KIF25: variants seen among roughly 807,000 people sequenced by gnomAD.
KIF25 encodes the protein kinesin-like protein KIF25.
In KIF25, 19 loss-of-function variants were observed where a neutral mutation model predicts 32.9. The ratio of observed to expected loss-of-function variants is 0.58; its 90% CI spans 0.40 to 0.85. The LOEUF is 0.85. KIF25 is among the 40% of genes least tolerant of loss of function. The pLI is 0.00. For missense variants in KIF25, 485 were observed against 507.0 expected (o/e 0.96, Z 0.42); for synonymous variants, 225 against 213.7 (o/e 1.05, Z -0.46).
At chr6:168,010,961 T>G (rs1798639911) in intron 4 of KIF25, among the ~76,000 whole-genome samples, 1 of 148,854 alleles carries the variant, frequency 6.7e-6, no homozygotes, top group Admixed American at 6.6e-5. Context: ...GCTTGGAATA[T>G]TTTTTTCCAT....
chr6:168,001,436 A>G (rs1583121936), intron 2 of KIF25, among the ~76,000 whole-genome samples: 1 of 152,342 alleles, frequency 6.6e-6, no homozygotes, highest in Middle Eastern at 3.4e-3. Context: ...CTTTTGTTAC[A>G]CACCAGCCTC....
intron 5 of KIF25, among the ~76,000 whole-genome samples, chr6:168,019,555 G>A (rs1330743325): frequency 1.3e-5 from 2 of 152,198 alleles, no homozygotes; most frequent in East Asian, 1.9e-4. Flanking sequence ...AATGACCAAC[G>A]TGAAACCAGG....
At chr6:168,030,660 C>T (rs1798928241) in intron 6 of KIF25, 113 bp from the exon 7 acceptor site, 16 of 683,946 alleles carry the variant, frequency 2.3e-5, no homozygotes, top group South Asian at 3.8e-5. Context: ...ATCCTGATGG[C>T]GTTGGGGGGA....
At chr6:168,038,512 G>A in intron 8 of KIF25, 41 bp from the exon 9 acceptor site, 1 of 1,605,538 alleles carries the variant, frequency 6.2e-7, no homozygotes, top group Non-Finnish European at 8.5e-7. Flanking sequence ...AAATCACTCT[G>A]TGAGACTTTC....
At chr6:168,040,623 T>C (rs1457961793) in intron 10 of KIF25, among the ~76,000 whole-genome samples, 1 of 150,940 alleles carries the variant, frequency 6.6e-6, no homozygotes. Flanking sequence ...ATCCAAGGCC[T>C]CTCATGGGAC....
At chr6:168,013,496 G>T (rs1326801168) in intron 4 of KIF25, among the ~76,000 whole-genome samples, 1 of 152,038 alleles carries the variant, frequency 6.6e-6, no homozygotes, top group Non-Finnish European at 1.5e-5. Context: ...AGGTGGCTCT[G>T]GTCTCAAGAT....
intron 4 of KIF25, among the ~76,000 whole-genome samples, chr6:168,008,587 A>C (rs965533096): frequency 6.6e-6 from 1 of 152,034 alleles, no homozygotes. Flanking sequence ...CAAATTTTAC[A>C]ATTTTTTCAA....
chr6:168,014,242 C>G (rs897495066), intron 4 of KIF25, among the ~76,000 whole-genome samples: 2 of 152,120 alleles, frequency 1.3e-5, no homozygotes, highest in Non-Finnish European at 2.9e-5. Context: ...TGAGGAAATG[C>G]ATCCTGAGGC....
rs1799201173 is a variant in KIF25, at chr6:168,045,043, T to G, written c.*47T>G. On this transcript the variant is annotated 3_prime_UTR_variant, in exon 13 of 13. Coordinates refer to ENST00000643607, the MANE Select transcript of KIF25 (RefSeq NM_030615.4). Reference sequence around the variant, plus strand: ...CTAAAACTGTGTTTCTTGTCCTTGCTTTATAATGCATATGTGCTTAGAAAT... The same window carrying G: ...CTAAAACTGTGTTTCTTGTCCTTGCGTTATAATGCATATGTGCTTAGAAAT... 1 of 1,528,600 alleles carries G rather than the reference T, an allele frequency of 6.5e-7. No homozygotes were observed. The highest frequency in any genetic ancestry group is 8.9e-7 in the Non-Finnish European group (1 of 1,127,032). The allele number at this position is 1,528,600 out of a possible 1,614,324, so 94.7% of individuals were successfully genotyped here. A position where few individuals can be genotyped will look rare whatever the true frequency, so the allele number is the denominator to read the frequency against.
intron 5 of KIF25, among the ~76,000 whole-genome samples, chr6:168,022,772 T>G (rs1274490107): frequency 3.3e-4 from 49 of 150,712 alleles, no homozygotes; most frequent in African/African-American, 8.7e-4. Flanking sequence ...GTTGTTGTTT[T>G]TTTTTTTTTT....
At chr6:168,035,353 C>T (rs145043228) in intron 8 of KIF25, among the ~76,000 whole-genome samples, 1 of 118,452 alleles carries the variant, frequency 8.4e-6, no homozygotes, top group African/African-American at 3.1e-5. Flanking sequence ...GTACATTCCA[C>T]GGCTGCGTTT....
intron 2 of KIF25, among the ~76,000 whole-genome samples, chr6:168,000,251 C>T (rs559628305): frequency 7.6e-6 from 1 of 131,726 alleles, no homozygotes; most frequent in Non-Finnish European, 1.6e-5. Flanking sequence ...ATCCCGACCA[C>T]GCCTGACCTT....
intron 5 of KIF25, among the ~76,000 whole-genome samples, chr6:168,028,874 C>T (rs1386880184): frequency 3.9e-5 from 6 of 152,186 alleles, no homozygotes; most frequent in Admixed American, 1.3e-4. Context: ...CATCTCCCAG[C>T]ATGTCTTCTA....
rs1799196004 is a variant in KIF25 at position 168,044,889 on chromosome 6, A to G, written c.1048A>G (p.Thr350Ala). ...ISPSQRHLAQ[T>A]LQGLGFGIRA... ...TCCCAGCCAGAGGCACCTGGCACAG[A>G]CGTTGCAGGGCCTGGGTTTCGGGAT... Residue 350 changes from threonine to alanine, a missense_variant, in exon 13 of 13, where the codon ACG becomes GCG. By Grantham distance (58) the Thr-to-Ala change is moderately conservative. Coordinates refer to ENST00000643607, the MANE Select transcript of KIF25 (RefSeq NM_030615.4). The G allele has an allele frequency of 6.2e-7, 1 of 1,612,804 alleles. No individual in the cohort carries two copies. The highest frequency in any genetic ancestry group is 1.1e-5 in the South Asian group (1 of 91,054).
At position 168,040,179 on chromosome 6, in the gene KIF25, G is replaced by C. The variant is rs147571413; in HGVS notation, c.609G>C (p.Thr203=). ...CCTCCAGGTCTCACCTGATAATTACGGTGACTCTAACCACAGCCTCCTGCT... is the reference window on the plus strand; with the variant it reads ...CCTCCAGGTCTCACCTGATAATTACCGTGACTCTAACCACAGCCTCCTGCT... ...ADSSRSHLII[T]VTLTTASCSD... is the part of the protein sequence containing the mutation. Residue 203 remains threonine (T), a synonymous_variant, in exon 10 of 13, where the codon ACG becomes ACC. Coordinates refer to ENST00000643607, the MANE Select transcript of KIF25 (RefSeq NM_030615.4). The C allele has an allele frequency of 6.0e-5, 97 of 1,613,682 alleles. No individual in the cohort carries two copies. The highest frequency in any genetic ancestry group is 7.7e-5 in the Non-Finnish European group (91 of 1,179,938).
intron 7 of KIF25, among the ~76,000 whole-genome samples, chr6:168,032,303 G>C (rs754942869): frequency 2.6e-5 from 4 of 152,150 alleles, no homozygotes; most frequent in Non-Finnish European, 5.9e-5. Flanking sequence ...TTCCTTCTCC[G>C]GGAAGTTTCC....
At chr6:168,033,285 A>G (rs1160145143) in intron 7 of KIF25, among the ~76,000 whole-genome samples, 1 of 152,216 alleles carries the variant, frequency 6.6e-6, no homozygotes, top group Non-Finnish European at 1.5e-5. Flanking sequence ...GGATCCCTTG[A>G]GTCCAGGAGT....
intron 4 of KIF25, among the ~76,000 whole-genome samples, chr6:168,005,457 G>A (rs1006346428): frequency 1.3e-5 from 2 of 152,218 alleles, no homozygotes; most frequent in African/African-American, 4.8e-5. Context: ...GAGGGAAGGC[G>A]AGGGCTGTGC....
chr6:168,025,601 C>T (rs543603245), intron 5 of KIF25, among the ~76,000 whole-genome samples: 180 of 152,182 alleles, frequency 1.2e-3, no homozygotes, highest in African/African-American at 4.1e-3. Context: ...TGTTACACAC[C>T]CTAGACTTGA....
Sources: allele counts gnomAD v4.1 joint callset (sites outside exome capture counted in the v4.1 genomes callset), GRCh38; gene constraint gnomAD v4.1.1; transcripts MANE v1.5; gene names NCBI Gene and HGNC (gene_info 2026-07-23, HGNC 2026-07-21).